Variants in FAM83A observed in about 807,000 individuals in gnomAD.
FAM83A encodes the protein protein FAM83A.
Under a neutral mutation model 24.4 loss-of-function variants are expected in FAM83A, and 21 were observed. That is an observed-to-expected ratio of 0.86 (90% CI 0.61 to 1.24). The LOEUF is 1.24. Ranked by LOEUF, FAM83A falls within the 50% of genes most tolerant of loss-of-function variation. The pLI is 0.00. For missense variants in FAM83A, 617 were observed against 579.8 expected (o/e 1.06, Z -0.66); for synonymous variants, 270 against 252.4 (o/e 1.07, Z -0.66).
exon 4 of FAM83A, chr8:123,207,692 TC>T: frequency 6.8e-7 from 1 of 1,475,990 alleles, no homozygotes; most frequent in Non-Finnish European, 8.9e-7. Flanking sequence ...CTTCTGAAGG[TC>T]CCATCCCCTG....
exon 4 of FAM83A, chr8:123,207,518 C>A: frequency 6.4e-7 from 1 of 1,572,514 alleles, no homozygotes; most frequent in East Asian, 2.3e-5. Flanking sequence ...TTGGGGAGCC[C>A]CGAGTCCCCA....
chr8:123,194,036 C>T (rs149619029), exon 3 of FAM83A: 23 of 1,614,002 alleles, frequency 1.4e-5, no homozygotes, highest in Admixed American at 1.0e-4. Flanking sequence ...CATTTCCATC[C>T]GGAGTGTGGA....
At chr8:123,207,217 G>A in exon 4 of FAM83A, 1 of 1,612,146 alleles carries the variant, frequency 6.2e-7, no homozygotes, top group Non-Finnish European at 8.5e-7. Context: ...CAGGCCAGGC[G>A]GTGGAGCTGT....
Position 123,209,385 on chromosome 8 carries a change from T to C in FAM83A, c.*1697T>C. ...GTTTCTTTTATTATTATTATTATTA[T>C]TAATTATTGTATTCCTGTCCTTCAC... On this transcript the variant is annotated 3_prime_UTR_variant, in exon 4 of 4. Coordinates refer to ENST00000690554, the Ensembl canonical transcript of FAM83A. This position sits in a 1 kb window ranked among gnomAD's most constrained non-coding sequence, Gnocchi z 4.7. The C allele has an allele frequency of 1.3e-6, 2 of 1,521,490 alleles. No homozygotes were observed. The highest frequency in any genetic ancestry group is 1.8e-6 in the Non-Finnish European group (2 of 1,136,794). 94.2% of individuals were successfully genotyped at this position (1,521,490 alleles called of 1,614,324 possible).
At chr8:123,204,765 A>T (rs1315163200) in intron 3 of FAM83A, among the ~76,000 whole-genome samples, 2 of 147,054 alleles carry the variant, frequency 1.4e-5, no homozygotes, top group East Asian at 2.0e-4. Flanking sequence ...TGTCTCAAAT[A>T]AAAAAAAAAG....
At chr8:123,180,836 T>C (rs1461155945), upstream of FAM83A, 4 of 151,338 alleles carry the variant, frequency 2.6e-5, no homozygotes, top group African/African-American at 9.7e-5. Context: ...AGGGAGGAGA[T>C]AAAATGGAAT....
At chr8:123,180,951 T>C (rs1324642483), upstream of FAM83A, among the ~76,000 whole-genome samples, 2 of 152,010 alleles carry the variant, frequency 1.3e-5, no homozygotes, top group Non-Finnish European at 2.9e-5. Context: ...TATTTTATTA[T>C]TTTATTTTTT....
Position 123,209,592 on chromosome 8 carries a change from G to A in FAM83A, c.*1904G>A. 1 of 1,604,772 alleles carries A rather than the reference G, an allele frequency of 6.2e-7. No individual in the cohort carries two copies. Among genetic ancestry groups the A allele is most frequent in the South Asian group, 1.1e-5 (1 of 90,470 alleles). On this transcript the variant is annotated 3_prime_UTR_variant, in exon 4 of 4. Transcript: ENST00000690554. This position sits in a 1 kb window ranked among gnomAD's most constrained non-coding sequence, Gnocchi z 4.7. ...CATTCCAAATTGGATTTCACCATCTGCTGAGAAAGTTTAAGGAAGGCAAAG... is the reference window on the plus strand; with the variant it reads ...CATTCCAAATTGGATTTCACCATCTACTGAGAAAGTTTAAGGAAGGCAAAG...
At chr8:123,206,138 C>CAAAA (rs57788150) in intron 3 of FAM83A, among the ~76,000 whole-genome samples, 16 of 110,996 alleles carry the variant, frequency 1.4e-4, no homozygotes, top group South Asian at 8.8e-4. Flanking sequence ...GTAAGACTCT[C>CAAAA]AAAAAAAAAA....
At chr8:123,182,256 C>A, upstream of FAM83A, 1 of 388,172 alleles carries the variant, frequency 2.6e-6, no homozygotes, top group South Asian at 1.8e-5. Flanking sequence ...GGAGAGGAGG[C>A]GCGCCTGGTC....
intron 3 of FAM83A, among the ~76,000 whole-genome samples, chr8:123,194,368 C>A (rs1357129197): frequency 2.0e-5 from 3 of 152,242 alleles, no homozygotes; most frequent in African/African-American, 7.2e-5. Flanking sequence ...CCAGGTGCCT[C>A]CGTTTCCCTT....
exon 1 of FAM83A, chr8:123,183,258 C>A (rs11542995): frequency 1.2e-6 from 2 of 1,613,278 alleles, no homozygotes; most frequent in Non-Finnish European, 8.5e-7. Flanking sequence ...AAAAATCCAG[C>A]GCCACTGTGT....
At chr8:123,193,926 A>AATGGGGTGTT in intron 2 of FAM83A, 98 bp from the exon 3 acceptor site, 1 of 1,476,884 alleles carries the variant, frequency 6.8e-7, no homozygotes, top group Non-Finnish European at 9.2e-7. Context: ...GTTTCAACAC[A>AATGGGGTGTT]GAATGGGGGT....
chr8:123,192,042 A>G (rs1328411907), intron 2 of FAM83A, 72 bp downstream of exon 2: 2 of 1,513,302 alleles, frequency 1.3e-6, no homozygotes, highest in Admixed American at 1.9e-5. Flanking sequence ...AATAGTAACA[A>G]ATGTCCCTCA....
At chr8:123,195,954 C>T (rs1824135975) in intron 3 of FAM83A, among the ~76,000 whole-genome samples, 1 of 152,238 alleles carries the variant, frequency 6.6e-6, no homozygotes, top group Non-Finnish European at 1.5e-5. Context: ...TTCTCTCCAT[C>T]CCATTATTTT....
chr8:123,209,553 T>C lies in FAM83A; in HGVS notation c.*1865T>C. On this transcript the variant is annotated 3_prime_UTR_variant, in exon 4 of 4. Coordinates refer to ENST00000690554, the Ensembl canonical transcript of FAM83A. The surrounding 1 kb of genome is among the most constrained non-coding windows in gnomAD (Gnocchi z 4.7). ...ACGGCTGAGATGAGGTTAGAATGAC[T>C]GGGCCCGGCTGAACATTCCAAATTG... 3 of 1,614,030 alleles carry C rather than the reference T, an allele frequency of 1.9e-6. No homozygotes were observed.
At chr8:123,182,946 T>G in exon 1 of FAM83A, 3 of 1,599,148 alleles carry the variant, frequency 1.9e-6, no homozygotes, top group Non-Finnish European at 2.6e-6. Flanking sequence ...CTGACTTTAG[T>G]GACAACGAGA....
In FAM83A at chr8:123,194,151, G is replaced by A. The variant is rs1365639155; in HGVS notation, c.773+3G>A. ...TTTGTCCTGTCTGGATCTTACAGGT[G>A]AGCCTTGGATTCATCTCCTGTCAAG... On this transcript the variant is annotated splice_donor_region_variant and intron_variant, in intron 3 of 3. Transcript: ENST00000690554. The A allele has an allele frequency of 1.2e-6, 2 of 1,613,882 alleles. No homozygotes were observed. The highest frequency in any genetic ancestry group is 3.3e-5 in the Admixed American group (2 of 60,032).
chr8:123,207,435 C>A (rs745825407), exon 4 of FAM83A: 1 of 1,607,972 alleles, frequency 6.2e-7, no homozygotes. Flanking sequence ...AGTGTGTCCG[C>A]GTCTTCAGGG....
Sources: allele counts gnomAD v4.1 joint callset (sites outside exome capture counted in the v4.1 genomes callset), GRCh38; gene constraint gnomAD v4.1.1; non-coding constraint Gnocchi (gnomAD v3.1); transcripts MANE v1.5; gene names NCBI Gene and HGNC (gene_info 2026-07-23, HGNC 2026-07-21).